Variants in CHRM5 observed in about 807,000 individuals in gnomAD.
CHRM5 encodes the protein muscarinic acetylcholine receptor M5.
CHRM5 carries 18 observed loss-of-function variants against 39.0 expected under a neutral mutation model. That is an observed-to-expected ratio of 0.46 (90% CI 0.32 to 0.68). The LOEUF is 0.68. Ranked by LOEUF, CHRM5 falls within the 30% of genes least tolerant of loss-of-function variation. The pLI is 0.04. For synonymous variants in CHRM5, 241 were observed against 246.3 expected (o/e 0.98, Z 0.20); for missense variants, 515 against 651.1 (o/e 0.79, Z 2.28).
At chr15:34,024,369 G>C (rs998514721) in intron 1 of CHRM5, among the ~76,000 whole-genome samples, 2 of 151,812 alleles carry the variant, frequency 1.3e-5, no homozygotes, top group East Asian at 3.9e-4. Context: ...ACCTCTGAAG[G>C]CTGGGCGTGG....
chr15:33,978,977 C>T (rs1896016086), intron 1 of CHRM5, among the ~76,000 whole-genome samples: 1 of 152,006 alleles, frequency 6.6e-6, no homozygotes, highest in South Asian at 2.1e-4. Flanking sequence ...AATAAAAAAA[C>T]AGACAATAAA....
At chr15:34,061,478 A>G (rs1303895394) in intron 2 of CHRM5, among the ~76,000 whole-genome samples, 1 of 152,236 alleles carries the variant, frequency 6.6e-6, no homozygotes, top group Non-Finnish European at 1.5e-5. Flanking sequence ...GCACCCATTT[A>G]AAATAATTAT....
At chr15:34,037,976 G>T (rs1899227225) in intron 1 of CHRM5, among the ~76,000 whole-genome samples, 1 of 152,192 alleles carries the variant, frequency 6.6e-6, no homozygotes. Context: ...TAAAAAGACA[G>T]TCCTCTAACT....
At chr15:34,053,319 A>AATATATATATAT (rs71119922) in intron 2 of CHRM5, among the ~76,000 whole-genome samples, 58 of 42,052 alleles carry the variant, frequency 1.4e-3, no homozygotes, top group Middle Eastern at 0.022. Flanking sequence ...AAAAAAAAAA[A>AATATATATATAT]ATATATATAT....
Position 34,064,509 on chromosome 15 carries a change from G to A in CHRM5, c.*193G>A. ...TGCAGCAATTGCTGACATATTAAATGACTCTTGCCTATGACCAAGGCCATT... is the reference window on the plus strand; with the variant it reads ...TGCAGCAATTGCTGACATATTAAATAACTCTTGCCTATGACCAAGGCCATT... On this transcript the variant is annotated 3_prime_UTR_variant, in exon 3 of 3. Coordinates refer to ENST00000383263, the MANE Select transcript of CHRM5 (RefSeq NM_012125.4). The A allele has an allele frequency of 1.5e-6, 1 of 677,736 alleles. No homozygotes were observed. 42.0% of individuals were successfully genotyped at this position (677,736 alleles called of 1,614,324 possible). A position where few individuals can be genotyped will look rare whatever the true frequency, so the allele number is the denominator to read the frequency against.
At chr15:34,007,076 A>G in intron 1 of CHRM5, 1 of 983,990 alleles carries the variant, frequency 1.0e-6, no homozygotes, top group Non-Finnish European at 1.2e-6. Context: ...TGCATTGTTC[A>G]GAGATTAACA....
At chr15:33,985,826 T>C (rs1896420831) in intron 1 of CHRM5, among the ~76,000 whole-genome samples, 1 of 152,126 alleles carries the variant, frequency 6.6e-6, no homozygotes, top group Non-Finnish European at 1.5e-5. Flanking sequence ...TATTAATTTC[T>C]AGGAAATGTT....
chr15:34,014,381 AAAACAAAAAC>A (rs1423252914), intron 1 of CHRM5, among the ~76,000 whole-genome samples: 2,353 of 116,928 alleles, frequency 0.02, 164 homozygotes, highest in South Asian at 0.03. Context: ...AAAAAAAAAA[AAAACAAAAAC>A]AAAAACCACG....
chr15:34,012,948 G>A (rs779434432), intron 1 of CHRM5, among the ~76,000 whole-genome samples: 7 of 152,014 alleles, frequency 4.6e-5, no homozygotes, highest in Non-Finnish European at 8.8e-5. Context: ...CATTGTCATG[G>A]TCTGTTTTAA....
intron 1 of CHRM5, among the ~76,000 whole-genome samples, chr15:34,039,781 G>C (rs993490615): frequency 6.6e-6 from 1 of 152,158 alleles, no homozygotes; most frequent in Admixed American, 6.5e-5. Context: ...AGCTCTATGA[G>C]GTAGGGATGA....
At chr15:33,996,152 C>T (rs1480126558) in intron 1 of CHRM5, among the ~76,000 whole-genome samples, 24 of 152,324 alleles carry the variant, frequency 1.6e-4, no homozygotes, top group African/African-American at 5.5e-4. Flanking sequence ...TGCTGAGACT[C>T]GAGTAGGTAA....
At chr15:34,017,329 T>C (rs1464799841) in intron 1 of CHRM5, among the ~76,000 whole-genome samples, 1 of 152,026 alleles carries the variant, frequency 6.6e-6, no homozygotes, top group Non-Finnish European at 1.5e-5. Context: ...CCCTGTTCCA[T>C]AAAGTTAAGC....
chr15:34,035,481 C>T (rs1407660364), intron 1 of CHRM5, among the ~76,000 whole-genome samples: 3 of 152,066 alleles, frequency 2.0e-5, no homozygotes, highest in Admixed American at 6.6e-5. Flanking sequence ...GAGCAGCAGT[C>T]GAAAGAACAG....
At position 34,014,385 on chromosome 15, in the gene CHRM5, C is replaced by CAAAAAAAAAAAAAAAAAAAAAAAAA. The variant is rs869310860; in HGVS notation, c.-407-32150_-407-32149insAAAAAAAAAAAAAAAAAAAAAAAAA. Among the ~76,000 whole-genome samples the CAAAAAAAAAAAAAAAAAAAAAAAAA allele has an allele frequency of 1.3e-4, 3 of 23,894 alleles. 1 individual carries two copies. The highest frequency in any genetic ancestry group is 1.6e-4 in the African/African-American group (2 of 12,750). 15.7% of individuals were successfully genotyped at this position (23,894 alleles called of 152,430 possible). A position where few individuals can be genotyped will look rare whatever the true frequency, so the allele number is the denominator to read the frequency against. On this transcript the variant is annotated intron_variant, in intron 1 of 2. Transcript: ENST00000383263. ...ATCTCATTAAAAAAAAAAAAAAAAACAAAAACAAAAACCACGTTTGAGGAT... is the reference window on the plus strand; with the variant it reads ...ATCTCATTAAAAAAAAAAAAAAAAACAAAAAAAAAAAAAAAAAAAAAAAAAAAAAACAAAAACCACGTTTGAGGAT...
In CHRM5 at chr15:34,063,976, C is replaced by T; in HGVS notation, c.1259C>T (p.Pro420Leu). ...AKEPSTKGLN[P>L]NPSHQMTKRK... is the part of the protein sequence containing the mutation. Reference sequence around the variant, plus strand: ...GAACCTTCAACGAAAGGCCTCAATCCCAACCCCAGCCATCAAATGACCAAA... The same window carrying T: ...GAACCTTCAACGAAAGGCCTCAATCTCAACCCCAGCCATCAAATGACCAAA... The change falls in exon 3 of 3, where the codon CCC becomes CTC. Residue 420 changes from proline (P) to leucine (L), a missense_variant. Physicochemically the swap from Pro to Leu is moderately conservative, Grantham distance 98. Coordinates refer to ENST00000383263, the MANE Select transcript of CHRM5 (RefSeq NM_012125.4). This position sits in a 1 kb window ranked among gnomAD's most constrained non-coding sequence, Gnocchi z 4.1. The T allele has an allele frequency of 6.2e-7, 1 of 1,614,166 alleles. No homozygotes were observed. Among genetic ancestry groups the T allele is most frequent in the Non-Finnish European group, 8.5e-7 (1 of 1,180,030 alleles).
chr15:33,999,455 T>C (rs968390360), intron 1 of CHRM5, among the ~76,000 whole-genome samples: 3 of 152,320 alleles, frequency 2.0e-5, no homozygotes, highest in East Asian at 3.9e-4. Flanking sequence ...GAATTCTGAC[T>C]GCAACAGGTA....
intron 1 of CHRM5, chr15:34,003,061 G>A: frequency 6.2e-7 from 1 of 1,613,902 alleles, no homozygotes; most frequent in Non-Finnish European, 8.5e-7. Context: ...ACTGAAATCT[G>A]TTCCCCTCTG....
In CHRM5 at chr15:34,062,883, A is replaced by G; in HGVS notation, c.166A>G (p.Lys56Glu). 1 of 1,614,222 alleles carries G rather than the reference A, an allele frequency of 6.2e-7. No individual in the cohort carries two copies. Among genetic ancestry groups the G allele is most frequent in the Non-Finnish European group, 8.5e-7 (1 of 1,180,050 alleles). Residue 56 changes from lysine (K) to glutamate (E), a missense_variant, in exon 3 of 3, where the codon AAA becomes GAA. Physicochemically the swap from Lys to Glu is moderately conservative, Grantham distance 56. Coordinates refer to ENST00000383263, the MANE Select transcript of CHRM5 (RefSeq NM_012125.4). ...VGNVLVMISF[K>E]VNSQLKTVNN... ...CAATGTCTTGGTCATGATCTCCTTC[A>G]AAGTCAACAGCCAGCTCAAGACAGT...
At chr15:34,016,890 A>C (rs1035003638) in intron 1 of CHRM5, among the ~76,000 whole-genome samples, 1 of 152,130 alleles carries the variant, frequency 6.6e-6, no homozygotes, top group African/African-American at 2.4e-5. Context: ...GCACTTTGGG[A>C]GGCCAAGGTG....
Sources: gnomAD v4.1 joint callset for allele counts (sites outside exome capture counted in the v4.1 genomes callset) on GRCh38, gnomAD v4.1.1 for gene constraint, Gnocchi (gnomAD v3.1) non-coding constraint, MANE v1.5 for transcripts, NCBI Gene and HGNC (gene_info 2026-07-23, HGNC 2026-07-21) for gene names.